The following DLG2 variants were observed in gnomAD, a reference collection of about 807,000 sequenced individuals.
The protein encoded by DLG2 is discs large MAGUK scaffold protein 2, also known as disks large homolog 2.
A neutral mutation model predicts 132.5 loss-of-function variants in DLG2; 45 were observed. That is an observed-to-expected ratio of 0.34 (90% confidence interval 0.27 to 0.44). The LOEUF (loss-of-function observed/expected upper bound fraction) is 0.44. DLG2 is among the 20% of genes least tolerant of loss of function. The probability of loss-of-function intolerance (pLI) is 1.00; values close to 1 mark genes in which losing one functional copy is unlikely to be tolerated. For synonymous variants in DLG2, 424 were observed against 419.6 expected (o/e 1.01, Z -0.13); for missense variants, 1,045 against 1,196.9 (o/e 0.87, Z 1.87).
chr11:83,825,864 C>T (rs766540334), intron 17 of DLG2, among the ~76,000 whole-genome samples: 14 of 152,266 alleles, frequency 9.2e-5, no homozygotes, highest in East Asian at 1.9e-4. Flanking sequence ...TGTGGCACTA[C>T]GGCCATTCAT....
chr11:83,555,525 T>A (rs1363745774), intron 19 of DLG2, among the ~76,000 whole-genome samples: 1 of 152,220 alleles, frequency 6.6e-6, no homozygotes, highest in Admixed American at 6.5e-5. Context: ...AGATATTTAC[T>A]TTGGCCAATA....
chr11:84,502,566 T>C (rs964726490), intron 7 of DLG2, among the ~76,000 whole-genome samples: 1 of 151,166 alleles, frequency 6.6e-6, no homozygotes, highest in Non-Finnish European at 1.5e-5. Flanking sequence ...TGGCTAATTT[T>C]TTGTATTTTT....
At chr11:84,894,084 A>G (rs182960556) in intron 6 of DLG2, among the ~76,000 whole-genome samples, 45 of 152,266 alleles carry the variant, frequency 3.0e-4, no homozygotes, top group African/African-American at 1.0e-3. Flanking sequence ...CTATGTATAC[A>G]ATGCCATCCT....
chr11:84,101,070 A>G (rs1195474057), intron 9 of DLG2, among the ~76,000 whole-genome samples: 1 of 152,168 alleles, frequency 6.6e-6, no homozygotes, highest in African/African-American at 2.4e-5. Flanking sequence ...TCATGAATTT[A>G]TTTAATATTT....
intron 3 of DLG2, among the ~76,000 whole-genome samples, chr11:85,471,000 A>C (rs1489830174): frequency 3.3e-5 from 5 of 151,850 alleles, no homozygotes; most frequent in Admixed American, 3.3e-4. Flanking sequence ...AGTACCCAGG[A>C]CTCCTTCTTT....
intron 6 of DLG2, among the ~76,000 whole-genome samples, chr11:84,892,494 TAATA>T (rs1164425827): frequency 5.9e-5 from 9 of 152,168 alleles, no homozygotes; most frequent in Non-Finnish European, 8.8e-5. Context: ...CTGGATGGAT[TAATA>T]AATAAATTGA....
rs541067212 is a variant in DLG2, at chr11:84,543,974, A to G, written c.358-9243T>C. On this transcript the variant is annotated intron_variant, in intron 6 of 27. Coordinates refer to ENST00000376104, the MANE Select transcript of DLG2 (RefSeq NM_001142699.3). ...AGCAACGTCAGATATTTTAAACTCT[A>G]TGTAATTACCTACTATGGACTAGCT... Among the ~76,000 whole-genome samples the G allele has an allele frequency of 3.9e-5, 6 of 152,330 alleles. No homozygotes were observed. In the South Asian group the frequency reaches 1.2e-3, roughly 32 times the overall value.
intron 7 of DLG2, among the ~76,000 whole-genome samples, chr11:84,444,035 A>G (rs2099025465): frequency 6.6e-6 from 1 of 150,604 alleles, no homozygotes; most frequent in East Asian, 1.9e-4. Flanking sequence ...ATTTACAGTG[A>G]AAGGAACAAG....
chr11:84,847,934 G>A (rs1363070921), intron 6 of DLG2, among the ~76,000 whole-genome samples: 1 of 152,082 alleles, frequency 6.6e-6, no homozygotes, highest in African/African-American at 2.4e-5. Context: ...GGGAGGGACA[G>A]AGGCCATCAA....
chr11:85,098,393 T>A (rs530962427), intron 6 of DLG2, among the ~76,000 whole-genome samples: 36 of 152,330 alleles, frequency 2.4e-4, no homozygotes, highest in Admixed American at 4.6e-4. Flanking sequence ...GATTCTTTTT[T>A]TGGTTTTGTA....
At chr11:85,040,748 T>C (rs796942774) in intron 6 of DLG2, among the ~76,000 whole-genome samples, 3 of 152,058 alleles carry the variant, frequency 2.0e-5, no homozygotes, top group African/African-American at 7.2e-5. Flanking sequence ...TTTACCTATG[T>C]TGATTTGTTT....
chr11:84,915,644 A>G (rs1039572832), intron 6 of DLG2, among the ~76,000 whole-genome samples: 1 of 152,236 alleles, frequency 6.6e-6, no homozygotes, highest in Non-Finnish European at 1.5e-5. Flanking sequence ...ACATACTATC[A>G]TAATGAACAT....
intron 19 of DLG2, among the ~76,000 whole-genome samples, chr11:83,595,980 C>T (rs2057510485): frequency 6.6e-6 from 1 of 152,074 alleles, no homozygotes; most frequent in African/African-American, 2.4e-5. Context: ...CTTATACAAC[C>T]CTTAAAATGC....
chr11:83,896,980 T>G (rs1037254032), intron 15 of DLG2, among the ~76,000 whole-genome samples: 1 of 152,230 alleles, frequency 6.6e-6, no homozygotes, highest in African/African-American at 2.4e-5. Flanking sequence ...CTAGGTTGTT[T>G]ATAAAAGTTT....
At chr11:83,677,726 T>C (rs188104986) in intron 18 of DLG2, among the ~76,000 whole-genome samples, 41 of 152,136 alleles carry the variant, frequency 2.7e-4, no homozygotes, top group Middle Eastern at 3.2e-3. Flanking sequence ...TCTTAGTAAT[T>C]ACAAAAAGAT....
intron 15 of DLG2, among the ~76,000 whole-genome samples, chr11:83,920,080 G>C (rs919030889): frequency 6.6e-6 from 1 of 152,152 alleles, no homozygotes; most frequent in African/African-American, 2.4e-5. Flanking sequence ...GCCAGAAGAA[G>C]GGGAGCCTTC....
intron 17 of DLG2, among the ~76,000 whole-genome samples, chr11:83,824,710 A>G (rs755045468): frequency 6.6e-5 from 10 of 152,194 alleles, no homozygotes; most frequent in Non-Finnish European, 1.3e-4. Context: ...AGCATTTCAC[A>G]CATCCGCTAT....
chr11:84,179,176 A>C (rs2096055548), intron 8 of DLG2, among the ~76,000 whole-genome samples: 1 of 152,186 alleles, frequency 6.6e-6, no homozygotes, highest in Admixed American at 6.6e-5. Context: ...ATAAATCAAA[A>C]TCTCATGAAA....
At chr11:84,292,451 A>G (rs2098016321) in intron 7 of DLG2, among the ~76,000 whole-genome samples, 1 of 152,172 alleles carries the variant, frequency 6.6e-6, no homozygotes, top group African/African-American at 2.4e-5. Context: ...TTTCACTGTA[A>G]GATGAGGTTA....
Sources: allele counts gnomAD v4.1 joint callset (sites outside exome capture counted in the v4.1 genomes callset), GRCh38; gene constraint gnomAD v4.1.1; transcripts MANE v1.5; gene names NCBI Gene and HGNC (gene_info 2026-07-23, HGNC 2026-07-21).